The following ADAMTSL1 variants were observed in gnomAD, a reference collection of about 807,000 sequenced individuals.
ADAMTSL1 encodes ADAMTS like 1.
Under a neutral mutation model 201.8 loss-of-function variants are expected in ADAMTSL1, and 126 were observed. That is an observed-to-expected ratio of 0.62 (90% CI 0.54 to 0.72). The LOEUF (loss-of-function observed/expected upper bound fraction) is 0.72. Among genes scored for constraint, ADAMTSL1 ranks in the 30% least tolerant of loss-of-function variants. The pLI, the probability that ADAMTSL1 is intolerant of heterozygous loss-of-function variation, is 0.00. For missense variants in ADAMTSL1, 2,679 were observed against 2,277.8 expected, an observed-to-expected ratio of 1.18 and a Z score of -3.59; for synonymous variants, 1,121 against 903.4, an observed-to-expected ratio of 1.24 and a Z score of -4.32.
rs188417978 is a variant in ADAMTSL1 at position 18,074,534 on chromosome 9, C to A, written c.88-89328C>A. Among the ~76,000 whole-genome samples the A allele has an allele frequency of 6.3e-3, 849 of 134,838 alleles. 1 individual carries two copies. Among genetic ancestry groups the A allele is most frequent in the Non-Finnish European group, 9.6e-3 (600 of 62,824 alleles). 88.5% of individuals were successfully genotyped at this position (134,838 alleles called of 152,430 possible). On this transcript the variant is annotated intron_variant, in intron 1 of 29. Coordinates refer to the ADAMTSL1 transcript ENST00000680146. ...TTCTTCTTTTCTTTTCTTTTCTTTT[C>A]TTCTCTCTTCTTTTCTCTTCTCTTT...
At chr9:18,902,801 T>G (rs1194209676) in intron 26 of ADAMTSL1, among the ~76,000 whole-genome samples, 2 of 152,008 alleles carry the variant, frequency 1.3e-5, no homozygotes, top group African/African-American at 4.8e-5. Flanking sequence ...TCAAAAAGAC[T>G]AACCAAAATA....
intron 9 of ADAMTSL1, among the ~76,000 whole-genome samples, chr9:18,672,738 T>G (rs1330614343): frequency 6.6e-6 from 1 of 152,204 alleles, no homozygotes; most frequent in Non-Finnish European, 1.5e-5. Context: ...TGCATAATGT[T>G]TCATTATATA....
chr9:18,740,492 T>G (rs112918784), intron 15 of ADAMTSL1, among the ~76,000 whole-genome samples: 29,292 of 139,964 alleles, frequency 0.21, 2,384 homozygotes, highest in South Asian at 0.34. Context: ...TTTTTTTTTT[T>G]TTTGAGAGGA....
rs1200971254 is a variant in ADAMTSL1, at chr9:18,349,574, T to C, written c.208-155255T>C. Among the ~76,000 whole-genome samples, 6 of 152,206 alleles carry C rather than the reference T, an allele frequency of 3.9e-5. No individual in the cohort carries two copies. In the East Asian group the frequency reaches 9.6e-4, roughly 24 times the overall value. On this transcript the variant is annotated intron_variant, in intron 2 of 29. Coordinates refer to the ADAMTSL1 transcript ENST00000680146. ...AAAGGTGTAATGCAATTGTGTGGCATATAAAACGGCCCCAGAGAGGGTCCC... is the reference window on the plus strand; with the variant it reads ...AAAGGTGTAATGCAATTGTGTGGCACATAAAACGGCCCCAGAGAGGGTCCC...
intron 1 of ADAMTSL1, among the ~76,000 whole-genome samples, chr9:18,091,922 G>C (rs943316197): frequency 5.9e-5 from 9 of 152,108 alleles, no homozygotes; most frequent in Admixed American, 3.9e-4. Flanking sequence ...AATCACAAAG[G>C]TCCAAGACAA....
At chr9:18,800,541 C>A (rs1371365664) in intron 20 of ADAMTSL1, among the ~76,000 whole-genome samples, 1 of 152,034 alleles carries the variant, frequency 6.6e-6, no homozygotes, top group East Asian at 1.9e-4. Context: ...TCAGTAAGTA[C>A]AGATGTAGAG....
chr9:17,913,340 C>T (rs1219846024), intron 1 of ADAMTSL1, among the ~76,000 whole-genome samples: 1 of 152,150 alleles, frequency 6.6e-6, no homozygotes, highest in Non-Finnish European at 1.5e-5. Context: ...ATGGAATGTT[C>T]TTCCATTTGT....
intron 1 of ADAMTSL1, among the ~76,000 whole-genome samples, chr9:18,495,499 T>C (rs924471475): frequency 7.2e-5 from 11 of 152,160 alleles, no homozygotes; most frequent in African/African-American, 2.7e-4. Context: ...AGAGACTAGG[T>C]TGGTTTGCTT....
At chr9:18,059,198 G>A (rs150669347) in intron 1 of ADAMTSL1, among the ~76,000 whole-genome samples, 1 of 152,106 alleles carries the variant, frequency 6.6e-6, no homozygotes, top group Non-Finnish European at 1.5e-5. Context: ...TCATCACATT[G>A]TCTCTCCTCT....
intron 1 of ADAMTSL1, among the ~76,000 whole-genome samples, chr9:18,131,003 G>T (rs2131964385): frequency 6.6e-6 from 1 of 152,242 alleles, no homozygotes; most frequent in African/African-American, 2.4e-5. Flanking sequence ...ATGTTAAGAA[G>T]CCAGATAAAT....
At chr9:18,528,066 C>T (rs536141510) in intron 2 of ADAMTSL1, among the ~76,000 whole-genome samples, 8 of 152,120 alleles carry the variant, frequency 5.3e-5, no homozygotes, top group East Asian at 3.9e-4. Context: ...TTATTAGAGA[C>T]GGGGTTTCAT....
At chr9:18,515,683 C>A (rs527825414) in intron 2 of ADAMTSL1, among the ~76,000 whole-genome samples, 1 of 152,070 alleles carries the variant, frequency 6.6e-6, no homozygotes, top group African/African-American at 2.4e-5. Flanking sequence ...GTAAAATGAT[C>A]GAGTCCGCCA....
chr9:18,890,721 AC>A (rs138297620), intron 25 of ADAMTSL1: 49 of 343,042 alleles, frequency 1.4e-4, no homozygotes, highest in East Asian at 5.1e-4. Context: ...CCTTTCTCAA[AC>A]CCCCCCCACC....
chr9:18,633,288 A>C (rs2132751006), intron 5 of ADAMTSL1, among the ~76,000 whole-genome samples: 1 of 152,310 alleles, frequency 6.6e-6, no homozygotes, highest in South Asian at 2.1e-4. Flanking sequence ...CAAGGCGTTT[A>C]AAGCTCTGTA....
chr9:18,287,413 TTATA>T (rs1254476514), intron 2 of ADAMTSL1, among the ~76,000 whole-genome samples: 2 of 151,730 alleles, frequency 1.3e-5, no homozygotes, highest in Admixed American at 6.6e-5. Context: ...ACACATATAT[TTATA>T]TATCTGTAAT....
At chr9:18,123,367 T>C (rs1183822806) in intron 1 of ADAMTSL1, among the ~76,000 whole-genome samples, 1 of 152,196 alleles carries the variant, frequency 6.6e-6, no homozygotes, top group Non-Finnish European at 1.5e-5. Context: ...TCTGTGTGCC[T>C]CTTACTCACT....
chr9:18,191,647 A>T (rs1828975854), intron 2 of ADAMTSL1, among the ~76,000 whole-genome samples: 1 of 152,150 alleles, frequency 6.6e-6, no homozygotes. Flanking sequence ...ACCAGCTTAA[A>T]GTTCACAGTT....
At chr9:18,578,059 G>T (rs1822851228) in intron 4 of ADAMTSL1, among the ~76,000 whole-genome samples, 1 of 151,578 alleles carries the variant, frequency 6.6e-6, no homozygotes, top group Admixed American at 6.6e-5. Context: ...TGAAAGCAGG[G>T]CCTTTGAGAT....
At chr9:18,370,062 C>T (rs1024482498) in intron 2 of ADAMTSL1, among the ~76,000 whole-genome samples, 13 of 152,006 alleles carry the variant, frequency 8.6e-5, no homozygotes, top group African/African-American at 2.4e-4. Flanking sequence ...GGTGGATCAC[C>T]TGAGATGAGG....
Sources: gnomAD v4.1 joint callset for allele counts (sites outside exome capture counted in the v4.1 genomes callset) on GRCh38, gnomAD v4.1.1 for gene constraint, MANE v1.5 for transcripts, NCBI Gene and HGNC (gene_info 2026-07-23, HGNC 2026-07-21) for gene names.